PCLO: variants seen among roughly 807,000 people sequenced by gnomAD.
The protein encoded by PCLO is protein piccolo.
A neutral mutation model predicts 427.5 loss-of-function variants in PCLO; 82 were observed. The ratio of observed to expected loss-of-function variants is 0.19; its 90% CI spans 0.16 to 0.23. The LOEUF is 0.23. PCLO is among the 10% of genes least tolerant of loss of function. The probability of loss-of-function intolerance (pLI) is 1.00; values close to 1 mark genes in which losing one functional copy is unlikely to be tolerated. For synonymous variants in PCLO, 2,357 were observed against 2,155.4 expected, an observed-to-expected ratio of 1.09 and a Z score of -2.59; for missense variants, 6,239 against 6,115.9, an observed-to-expected ratio of 1.02 and a Z score of -0.67.
chr7:82,909,894 C>G (rs1358738549), intron 7 of PCLO, among the ~76,000 whole-genome samples: 5 of 151,942 alleles, frequency 3.3e-5, no homozygotes, highest in African/African-American at 1.2e-4. Context: ...TCACAGATTA[C>G]TTTTTTGAAA....
At chr7:83,138,224 C>A (rs570908394) in intron 2 of PCLO, among the ~76,000 whole-genome samples, 73 of 152,292 alleles carry the variant, frequency 4.8e-4, no homozygotes, top group Middle Eastern at 3.4e-3. Flanking sequence ...TTATAAATTT[C>A]CAGGATTAGT....
chr7:83,142,253 G>A (rs1479982338), intron 2 of PCLO, among the ~76,000 whole-genome samples: 1 of 152,126 alleles, frequency 6.6e-6, no homozygotes. Flanking sequence ...GTTCACATCA[G>A]CTGTTAAATA....
intron 3 of PCLO, among the ~76,000 whole-genome samples, chr7:83,120,273 G>A (rs4732496): frequency 0.42 from 64,074 of 151,200 alleles, 13,860 homozygotes; most frequent in East Asian, 0.63. Flanking sequence ...GTGATGGCAC[G>A]CACCTGTAAT....
chr7:82,954,752 T>C lies in PCLO; in HGVS notation c.6201A>G (p.Glu2067=), dbSNP rs1185596626. Residue 2067 remains glutamate (E), a synonymous_variant, in exon 5 of 25, where the codon GAA becomes GAG. Transcript: ENST00000333891. ...ATTGCATCTGTTGCCTCTTCATAAGTTCTTCATAGGCAGCATCAGCATCTA... is the reference window on the plus strand; with the variant it reads ...ATTGCATCTGTTGCCTCTTCATAAGCTCTTCATAGGCAGCATCAGCATCTA... The part of the protein sequence containing the change: ...KLLDADAAYE[E]LMKRQQMQLT... 6.2e-7 allele frequency: 1 copy of C among 1,613,826 alleles called. No individual in the cohort carries two copies. The highest frequency in any genetic ancestry group is 8.5e-7 in the Non-Finnish European group (1 of 1,179,820).
At chr7:83,043,373 T>G (rs1789019103) in intron 3 of PCLO, among the ~76,000 whole-genome samples, 1 of 152,200 alleles carries the variant, frequency 6.6e-6, no homozygotes, top group South Asian at 2.1e-4. Flanking sequence ...ACTAGTTGAT[T>G]TTTGTTTCTT....
chr7:83,072,097 C>A (rs12707540), intron 3 of PCLO, among the ~76,000 whole-genome samples: 71,952 of 151,718 alleles, frequency 0.47, 17,253 homozygotes, highest in Middle Eastern at 0.51. Flanking sequence ...TTCTAAAAAA[C>A]AATTATTTAT....
chr7:83,011,013 T>C (rs966902286), intron 3 of PCLO, among the ~76,000 whole-genome samples: 2 of 152,082 alleles, frequency 1.3e-5, no homozygotes, highest in Non-Finnish European at 2.9e-5. Flanking sequence ...TATATGAGAA[T>C]CTCAGCACAC....
chr7:82,815,976 C>T (rs942099119), intron 20 of PCLO, among the ~76,000 whole-genome samples: 16 of 151,982 alleles, frequency 1.1e-4, no homozygotes, highest in African/African-American at 3.9e-4. Context: ...TTTTATATTT[C>T]GGATATAATT....
chr7:82,761,434 C>A lies in PCLO; in HGVS notation c.15067G>T (p.Gly5023Cys), dbSNP rs1056519956. 1.9e-6 allele frequency: 3 copies of A among 1,586,200 alleles called. No homozygotes were observed. The highest frequency in any genetic ancestry group is 2.6e-6 in the Non-Finnish European group (3 of 1,160,594). Residue 5023 changes from glycine (G) to cysteine (C), a missense_variant, in exon 23 of 25, where the codon GGT becomes TGT. Around this residue, in one of 5 missense-constraint regions of PCLO, gnomAD observed 877 missense variants for 925.5 expected, o/e 0.95. Transcript: ENST00000333891. ...AGAATTTCAACTATTAGTTGTTCACCATCTGTCTTCATTTCCTTCTTCAAT... is the reference window on the plus strand; with the variant it reads ...AGAATTTCAACTATTAGTTGTTCACAATCTGTCTTCATTTCCTTCTTCAAT... ...IALKKEMKTD[G>C]EQLIVEILQC...
intron 6 of PCLO, among the ~76,000 whole-genome samples, chr7:82,938,489 T>A (rs571519202): frequency 6.6e-6 from 1 of 152,032 alleles, no homozygotes; most frequent in East Asian, 1.9e-4. Context: ...ATTACTAAAA[T>A]TTAAAACCAC....
chr7:83,160,580 C>T (rs1792410361), intron 1 of PCLO, among the ~76,000 whole-genome samples: 2 of 151,960 alleles, frequency 1.3e-5, no homozygotes, highest in South Asian at 4.1e-4. Flanking sequence ...ATGAAGTTTT[C>T]ACCAATACTG....
At chr7:83,054,793 T>G (rs1281223007) in intron 3 of PCLO, among the ~76,000 whole-genome samples, 1 of 151,984 alleles carries the variant, frequency 6.6e-6, no homozygotes. Context: ...GAGGAGGAAT[T>G]TCCTCCTTGG....
At chr7:82,991,282 T>A (rs1583879145) in intron 3 of PCLO, among the ~76,000 whole-genome samples, 1 of 152,238 alleles carries the variant, frequency 6.6e-6, no homozygotes, top group African/African-American at 2.4e-5. Flanking sequence ...GTAGATTTTA[T>A]ATAGGTTTAT....
intron 3 of PCLO, among the ~76,000 whole-genome samples, chr7:83,114,655 C>T (rs1037678337): frequency 6.6e-6 from 1 of 151,998 alleles, no homozygotes; most frequent in Non-Finnish European, 1.5e-5. Flanking sequence ...GGGGAAAAAA[C>T]TATCCTAGAT....
Position 82,950,224 on chromosome 7 carries a change from C to T in PCLO, c.10364G>A (p.Arg3455Gln), listed in dbSNP as rs756859068. Residue 3455 changes from arginine (R) to glutamine (Q), a missense_variant, in exon 6 of 25, where the codon CGG becomes CAG. Physicochemically the swap from Arg to Gln is conservative, Grantham distance 43. Transcript: ENST00000333891. Reference protein sequence around the residue: ...VQTDDEDATDRSYVSRRRRTK... With the variant: ...VQTDDEDATDQSYVSRRRRTK... ...TCTCCTTCTCCTACTCACATAGCTC[C>T]GATCTGTGGCATCTTCGTCATCCGT... 93 of 1,612,442 alleles carry T rather than the reference C, an allele frequency of 5.8e-5. 2 individuals are homozygous for T. The South Asian group carries it at 6.6e-4, about 11-fold the overall frequency.
intron 3 of PCLO, among the ~76,000 whole-genome samples, chr7:83,037,178 A>G (rs1467154365): frequency 2.6e-5 from 4 of 152,158 alleles, no homozygotes; most frequent in Non-Finnish European, 5.9e-5. Context: ...ATACTATAGC[A>G]GGTTGCTAGG....
At chr7:82,816,856 C>A (rs923743938) in intron 20 of PCLO, among the ~76,000 whole-genome samples, 1 of 151,992 alleles carries the variant, frequency 6.6e-6, no homozygotes, top group Non-Finnish European at 1.5e-5. Flanking sequence ...AACAGAAGTA[C>A]CCATTGATGG....
intron 10 of PCLO, among the ~76,000 whole-genome samples, chr7:82,865,898 G>A (rs1397775768): frequency 3.9e-5 from 6 of 151,964 alleles, no homozygotes; most frequent in South Asian, 2.1e-4. Flanking sequence ...TCTTAATACA[G>A]CAGTAAGAGT....
intron 20 of PCLO, among the ~76,000 whole-genome samples, chr7:82,813,829 T>C (rs1791622261): frequency 6.6e-6 from 1 of 151,816 alleles, no homozygotes; most frequent in Non-Finnish European, 1.5e-5. Context: ...ATTTTGAAAC[T>C]CATCAAATTA....
Sources: gnomAD v4.1 joint callset for allele counts (sites outside exome capture counted in the v4.1 genomes callset) on GRCh38, gnomAD v4.1.1 for gene constraint, gnomAD v4.1.1 regional missense constraint, MANE v1.5 for transcripts, NCBI Gene and HGNC (gene_info 2026-07-23, HGNC 2026-07-21) for gene names.